Variants in TNIP1 observed in about 807,000 individuals in gnomAD.
The protein encoded by TNIP1 is TNFAIP3-interacting protein 1.
In TNIP1, 22 loss-of-function variants were observed where a neutral mutation model predicts 86.6. The ratio of observed to expected loss-of-function variants is 0.25; its 90% CI spans 0.18 to 0.36. The LOEUF (loss-of-function observed/expected upper bound fraction) is 0.36. TNIP1 is among the 10% of genes least tolerant of loss of function. The pLI, the probability that TNIP1 is intolerant of heterozygous loss-of-function variation, is 1.00. For synonymous variants in TNIP1, 294 were observed against 313.0 expected, an observed-to-expected ratio of 0.94 and a Z score of 0.64; for missense variants, 709 against 820.6, an observed-to-expected ratio of 0.86 and a Z score of 1.66.
intron 11 of TNIP1, among the ~76,000 whole-genome samples, chr5:151,040,202 G>C (rs780494664): frequency 2.0e-5 from 3 of 152,250 alleles, no homozygotes; most frequent in African/African-American, 4.8e-5. Flanking sequence ...GAAAGGTCTG[G>C]AAACAGATGC....
intron 1 of TNIP1, among the ~76,000 whole-genome samples, chr5:151,072,927 A>G (rs1284850639): frequency 6.6e-6 from 1 of 152,154 alleles, no homozygotes; most frequent in East Asian, 1.9e-4. Context: ...TCATGTAGAA[A>G]CGTGTGCTTG....
At chr5:151,073,039 T>C (rs1762987235) in intron 1 of TNIP1, among the ~76,000 whole-genome samples, 1 of 151,926 alleles carries the variant, frequency 6.6e-6, no homozygotes, top group African/African-American at 2.4e-5. Context: ...CTGGCCAACA[T>C]GGCAAAACCC....
chr5:151,065,250 C>A (rs1226639985), intron 1 of TNIP1, 119 bp from the exon 2 acceptor site: 4 of 804,854 alleles, frequency 5.0e-6, no homozygotes, highest in Non-Finnish European at 7.7e-6. Context: ...CTGGTCTGAC[C>A]ATATTATAGT....
chr5:151,032,204 C>G, intron 17 of TNIP1, 83 bp downstream of exon 17: 1 of 1,233,414 alleles, frequency 8.1e-7, no homozygotes, highest in Non-Finnish European at 1.2e-6. Flanking sequence ...AAACTAACGA[C>G]ATCACCCCCA....
chr5:151,076,189 G>A (rs955757283), intron 1 of TNIP1, among the ~76,000 whole-genome samples: 2 of 152,218 alleles, frequency 1.3e-5, no homozygotes, highest in African/African-American at 2.4e-5. Context: ...CATGGTGGCC[G>A]CCAAGGTCTT....
intron 6 of TNIP1, among the ~76,000 whole-genome samples, chr5:151,054,080 C>T (rs1276970713): frequency 6.6e-6 from 1 of 152,218 alleles, no homozygotes; most frequent in Non-Finnish European, 1.5e-5. Context: ...ACAAGCATCA[C>T]TCCTGGACTG....
At position 151,062,139 on chromosome 5, in the gene TNIP1, C is replaced by T. The variant is rs1338799915; in HGVS notation, c.345G>A (p.Lys115=). The change falls in exon 4 of 18, where the codon AAG becomes AAA. Residue 115 remains lysine (K), a synonymous_variant. Coordinates refer to ENST00000521591, the MANE Select transcript of TNIP1 (RefSeq NM_006058.5). ...AAATAAAACTTACACTGGATGGAGG[C>T]TTCTGGACTGGTGCTGGCTTGTCAC... ...CPSDKPAPVQ[K]PPSSGTSSEF... The T allele has an allele frequency of 2.5e-6, 4 of 1,614,008 alleles. No individual in the cohort carries two copies. Among genetic ancestry groups the T allele is most frequent in the Admixed American group, 1.7e-5 (1 of 59,986 alleles).
chr5:151,029,980 C>A lies in TNIP1; in HGVS notation c.*733G>T. On this transcript the variant is annotated 3_prime_UTR_variant, in exon 18 of 18. Coordinates refer to ENST00000521591, the MANE Select transcript of TNIP1 (RefSeq NM_006058.5). Reference sequence around the variant, plus strand: ...TCAACTTGGATTTATGTCCATGATTCGTGCAAATAGCTATCCAGGGATGGA... The same window carrying A: ...TCAACTTGGATTTATGTCCATGATTAGTGCAAATAGCTATCCAGGGATGGA... 2.3e-6 allele frequency: 1 copy of A among 433,588 alleles called. No homozygotes were observed. Among genetic ancestry groups the A allele is most frequent in the Non-Finnish European group, 4.8e-6 (1 of 209,488 alleles). The allele number at this position is 433,588 out of a possible 1,614,324, so 26.9% of individuals were successfully genotyped here.
chr5:151,033,286 T>C (rs1051663455), intron 16 of TNIP1, among the ~76,000 whole-genome samples: 4 of 151,874 alleles, frequency 2.6e-5, no homozygotes, highest in African/African-American at 9.7e-5. Flanking sequence ...GTGGAAGTTA[T>C]AAGAAAAAGC....
At chr5:151,048,376 C>T (rs887918253) in intron 8 of TNIP1, among the ~76,000 whole-genome samples, 2 of 143,234 alleles carry the variant, frequency 1.4e-5, no homozygotes, top group Non-Finnish European at 3.1e-5. Context: ...TCCTCACAAC[C>T]ACCCCTTGAG....
At chr5:151,068,996 G>C (rs1169033693) in intron 1 of TNIP1, among the ~76,000 whole-genome samples, 1 of 152,216 alleles carries the variant, frequency 6.6e-6, no homozygotes, top group African/African-American at 2.4e-5. Context: ...GCCCCAGAGG[G>C]GCCCTGGGGC....
intron 1 of TNIP1, among the ~76,000 whole-genome samples, chr5:151,068,241 C>T (rs947093965): frequency 2.6e-5 from 4 of 152,194 alleles, no homozygotes; most frequent in Non-Finnish European, 2.9e-5. Context: ...CAGGGAATTT[C>T]CAAGTTCTGC....
At chr5:151,032,653 T>G in intron 16 of TNIP1, 1 of 455,552 alleles carries the variant, frequency 2.2e-6, no homozygotes, top group Non-Finnish European at 4.0e-6. Context: ...CCATACTATA[T>G]ACTCTGGTGT....
At chr5:151,084,546 T>C (rs1017195781), upstream of TNIP1, among the ~76,000 whole-genome samples, 1 of 151,048 alleles carries the variant, frequency 6.6e-6, no homozygotes, top group African/African-American at 2.4e-5. Flanking sequence ...TTGCGGGAGG[T>C]CTTACGTTGA....
intron 3 of TNIP1, among the ~76,000 whole-genome samples, 183 bp from the exon 4 acceptor site, chr5:151,062,395 G>A (rs1042695804): frequency 7.9e-5 from 12 of 152,306 alleles, no homozygotes; most frequent in East Asian, 5.8e-4. Flanking sequence ...CTGGAGTGAC[G>A]GGGCAGAGCC....
At chr5:151,063,566 A>G (rs1287628039) in intron 3 of TNIP1, 47 bp downstream of exon 3, 1 of 1,596,396 alleles carries the variant, frequency 6.3e-7, no homozygotes, top group Admixed American at 1.7e-5. Flanking sequence ...GGATTTGGGC[A>G]GTTTGGGGTA....
intron 1 of TNIP1, among the ~76,000 whole-genome samples, chr5:151,072,963 T>C (rs903653701): frequency 3.3e-5 from 5 of 152,176 alleles, no homozygotes; most frequent in Non-Finnish European, 7.3e-5. Context: ...GGCTCATGCC[T>C]GTAATTCCAG....
At chr5:151,073,988 A>G (rs1198874438) in intron 1 of TNIP1, among the ~76,000 whole-genome samples, 1 of 152,262 alleles carries the variant, frequency 6.6e-6, no homozygotes, top group African/African-American at 2.4e-5. Context: ...GGACCTCGGT[A>G]AGGAACTAAA....
chr5:151,059,320 C>G (rs1020485104), intron 5 of TNIP1, among the ~76,000 whole-genome samples: 1 of 152,198 alleles, frequency 6.6e-6, no homozygotes, highest in African/African-American at 2.4e-5. Context: ...AGGTTCCAGG[C>G]GACAGAACAT....
Sources: gnomAD v4.1 joint callset for allele counts (sites outside exome capture counted in the v4.1 genomes callset) on GRCh38, gnomAD v4.1.1 for gene constraint, MANE v1.5 for transcripts, NCBI Gene and HGNC (gene_info 2026-07-23, HGNC 2026-07-21) for gene names.